LSAMP: variants seen among roughly 807,000 people sequenced by gnomAD.
LSAMP encodes limbic system associated membrane protein.
Under a neutral mutation model 38.6 loss-of-function variants are expected in LSAMP, and 7 were observed. The ratio of observed to expected loss-of-function variants is 0.18; its 90% CI spans 0.10 to 0.34. LSAMP has a LOEUF of 0.34. Ranked by LOEUF, LSAMP falls within the 10% of genes least tolerant of loss-of-function variation. The pLI is 1.00. For missense variants in LSAMP, 313 were observed against 420.0 expected, an observed-to-expected ratio of 0.75 and a Z score of 2.23; for synonymous variants, 154 against 166.8, an observed-to-expected ratio of 0.92 and a Z score of 0.59.
At chr3:116,250,621 G>A (rs917923865) in intron 1 of LSAMP, among the ~76,000 whole-genome samples, 8 of 151,828 alleles carry the variant, frequency 5.3e-5, no homozygotes, top group African/African-American at 1.5e-4. Context: ...CAGCACTTAG[G>A]GAGGCTGACA....
At chr3:116,286,042 A>G (rs1005561368) in intron 1 of LSAMP, among the ~76,000 whole-genome samples, 5 of 152,326 alleles carry the variant, frequency 3.3e-5, no homozygotes, top group African/African-American at 1.2e-4. Context: ...AACCCAGAGG[A>G]CTTAACTGCA....
chr3:116,392,567 C>T (rs989593692), intron 1 of LSAMP, among the ~76,000 whole-genome samples: 1 of 152,226 alleles, frequency 6.6e-6, no homozygotes, highest in Non-Finnish European at 1.5e-5. Flanking sequence ...CCTGAAGGTG[C>T]CCCTTGGCAT....
chr3:115,957,775 T>C (rs1938498287), intron 3 of LSAMP, among the ~76,000 whole-genome samples: 1 of 152,200 alleles, frequency 6.6e-6, no homozygotes, highest in African/African-American at 2.4e-5. Flanking sequence ...TTGGAAGATA[T>C]GATGACCCAC....
At chr3:115,956,304 C>G (rs13317565) in intron 3 of LSAMP, among the ~76,000 whole-genome samples, 7,049 of 150,010 alleles carry the variant, frequency 0.047, 521 homozygotes, top group African/African-American at 0.16. Flanking sequence ...GCCTCCCATC[C>G]AGGAATGAGC....
At chr3:115,943,312 T>C (rs2107563298) in intron 3 of LSAMP, among the ~76,000 whole-genome samples, 1 of 152,232 alleles carries the variant, frequency 6.6e-6, no homozygotes, top group East Asian at 1.9e-4. Flanking sequence ...TCAGAATACT[T>C]TATCCAGTTT....
At chr3:116,170,646 G>A (rs567380245) in intron 1 of LSAMP, among the ~76,000 whole-genome samples, 1 of 152,180 alleles carries the variant, frequency 6.6e-6, no homozygotes, top group South Asian at 2.1e-4. Context: ...TAATAACAAC[G>A]ATTTTAGGTT....
chr3:116,239,185 T>G (rs1346381352), intron 1 of LSAMP, among the ~76,000 whole-genome samples: 1 of 152,242 alleles, frequency 6.6e-6, no homozygotes, highest in East Asian at 1.9e-4. Context: ...ATGAAATGTA[T>G]AGAGTCTCAC....
At chr3:115,812,209 C>T (rs973941893) in intron 6 of LSAMP, among the ~76,000 whole-genome samples, 1 of 152,066 alleles carries the variant, frequency 6.6e-6, no homozygotes, top group African/African-American at 2.4e-5. Context: ...GATCAGCATA[C>T]AGTATAAAAT....
chr3:116,226,639 C>CCTA (rs2046345039), intron 1 of LSAMP, among the ~76,000 whole-genome samples: 13 of 152,226 alleles, frequency 8.5e-5, no homozygotes, highest in Admixed American at 8.5e-4. Context: ...TGCAGAATTA[C>CCTA]ATATTAGGTA....
At chr3:115,900,534 A>T (rs1468407752) in intron 3 of LSAMP, among the ~76,000 whole-genome samples, 2 of 147,042 alleles carry the variant, frequency 1.4e-5, no homozygotes, top group Non-Finnish European at 3.0e-5. Flanking sequence ...AAAAAAAAAA[A>T]TGCTAATTGA....
At chr3:116,213,081 T>C (rs1229455593) in intron 1 of LSAMP, among the ~76,000 whole-genome samples, 1 of 152,224 alleles carries the variant, frequency 6.6e-6, no homozygotes, top group Non-Finnish European at 1.5e-5. Context: ...GCTCTTATAA[T>C]ATTTATAAAT....
chr3:116,403,331 A>G (rs1173485082), intron 1 of LSAMP, among the ~76,000 whole-genome samples: 1 of 152,188 alleles, frequency 6.6e-6, no homozygotes, highest in Non-Finnish European at 1.5e-5. Context: ...TCAATAATAA[A>G]CAAGGTATTT....
In LSAMP at chr3:115,968,870, C is replaced by T. The variant is rs942664688; in HGVS notation, c.514+50645G>A. ...GGCAAGGCTTGTTGGAACTCAGGTT[C>T]TGACCACTGGGATGGGCAATTCCCC... On this transcript the variant is annotated intron_variant, in intron 3 of 6. Transcript: ENST00000490035. Among the ~76,000 whole-genome samples, 144 of 152,238 alleles carry T rather than the reference C, an allele frequency of 9.5e-4. 2 individuals carry two copies. Among genetic ancestry groups the T allele is most frequent in the Admixed American group, 9.4e-3 (143 of 15,286 alleles).
At chr3:116,190,874 C>T (rs188806769) in intron 1 of LSAMP, among the ~76,000 whole-genome samples, 36 of 152,206 alleles carry the variant, frequency 2.4e-4, no homozygotes, top group Non-Finnish European at 2.6e-4. Flanking sequence ...CTAGAGTTCA[C>T]GTCTATTCCA....
At chr3:115,969,329 G>T (rs146306581) in intron 3 of LSAMP, among the ~76,000 whole-genome samples, 7 of 152,282 alleles carry the variant, frequency 4.6e-5, no homozygotes, top group African/African-American at 1.7e-4. Flanking sequence ...AATAATAGTT[G>T]GAAAAAGAGT....
intron 6 of LSAMP, among the ~76,000 whole-genome samples, chr3:115,821,383 GA>G (rs1934232607): frequency 6.6e-6 from 1 of 152,164 alleles, no homozygotes; most frequent in Non-Finnish European, 1.5e-5. Context: ...CTTGACTTTT[GA>G]CAACTTTTCT....
intron 1 of LSAMP, among the ~76,000 whole-genome samples, chr3:116,206,012 G>A (rs1476396968): frequency 7.2e-5 from 11 of 151,782 alleles, no homozygotes; most frequent in African/African-American, 2.7e-4. Flanking sequence ...GGTAGAATTC[G>A]GCTGTGAATG....
intron 3 of LSAMP, among the ~76,000 whole-genome samples, chr3:115,855,897 C>T (rs534441603): frequency 9.2e-5 from 14 of 152,212 alleles, no homozygotes; most frequent in South Asian, 2.1e-4. Flanking sequence ...TTCCCTGGAT[C>T]CTCCAGTTGA....
chr3:115,880,122 A>G (rs1395885955), intron 3 of LSAMP, among the ~76,000 whole-genome samples: 1 of 152,172 alleles, frequency 6.6e-6, no homozygotes, highest in Non-Finnish European at 1.5e-5. Context: ...GGGATAGCAG[A>G]GTGGATATCA....
Sources: gnomAD v4.1 joint callset for allele counts (sites outside exome capture counted in the v4.1 genomes callset) on GRCh38, gnomAD v4.1.1 for gene constraint, MANE v1.5 for transcripts, NCBI Gene and HGNC (gene_info 2026-07-23, HGNC 2026-07-21) for gene names.